Variants in EEPD1 observed in about 807,000 individuals in gnomAD.
The protein encoded by EEPD1 is endonuclease/exonuclease/phosphatase family domain-containing protein 1.
Under a neutral mutation model 46.3 loss-of-function variants are expected in EEPD1, and 17 were observed. The observed-to-expected ratio is 0.37, with a 90% CI of 0.25 to 0.55. EEPD1 has a LOEUF of 0.55. Ranked by LOEUF, EEPD1 falls within the 20% of genes least tolerant of loss-of-function variation. EEPD1 has a pLI of 0.83. For missense variants in EEPD1, 673 were observed against 745.6 expected (o/e 0.90, Z 1.13); for synonymous variants, 313 against 315.6 (o/e 0.99, Z 0.09).
chr7:36,222,189 T>C (rs1786157757), intron 2 of EEPD1, among the ~76,000 whole-genome samples: 1 of 152,162 alleles, frequency 6.6e-6, no homozygotes, highest in Non-Finnish European at 1.5e-5. Context: ...ACTGATAACC[T>C]GATAGTCAAT....
intron 2 of EEPD1, among the ~76,000 whole-genome samples, chr7:36,175,362 C>A (rs1785159740): frequency 6.6e-6 from 1 of 152,150 alleles, no homozygotes; most frequent in South Asian, 2.1e-4. Context: ...TCCCGAGCAG[C>A]TGGGACCACA....
In EEPD1 at chr7:36,224,261, T is replaced by G. The variant is rs556140616; in HGVS notation, c.879-14724T>G. Among the ~76,000 whole-genome samples the G allele has an allele frequency of 2.0e-5, 3 of 152,350 alleles. No individual in the cohort carries two copies. The East Asian group carries it at 5.8e-4, about 29-fold the overall frequency. The stretch of plus-strand genomic sequence containing the variant: ...ATCATCACCCCTGTTCAGTGGGATC[T>G]CAGTGGAGTGAAAGGTTTCAAGTTG... On this transcript the variant is annotated intron_variant, in intron 2 of 7. Transcript: ENST00000242108.
chr7:36,176,561 C>T (rs1040132277), intron 2 of EEPD1, among the ~76,000 whole-genome samples: 4 of 152,184 alleles, frequency 2.6e-5, no homozygotes, highest in Non-Finnish European at 4.4e-5. Flanking sequence ...GTTGGTGATA[C>T]TCAAGCACTG....
At chr7:36,222,578 T>C (rs1279564481) in intron 2 of EEPD1, among the ~76,000 whole-genome samples, 1 of 152,226 alleles carries the variant, frequency 6.6e-6, no homozygotes, top group East Asian at 1.9e-4. Flanking sequence ...CCTGTCTCAG[T>C]GTTTTTGGAG....
rs771911080 is a variant in EEPD1, at chr7:36,300,532, G to C, written c.*1326G>C. 1.3e-5 allele frequency: 2 copies of C among 152,242 alleles called. No individual in the cohort carries two copies. The highest frequency in any genetic ancestry group is 4.8e-5 in the African/African-American group (2 of 41,460). 9.4% of individuals were successfully genotyped at this position (152,242 alleles called of 1,614,324 possible). On this transcript the variant is annotated 3_prime_UTR_variant, in exon 8 of 8. Transcript: ENST00000242108. ...AGTAAATAGTGAAAAGGTAAGTTAT[G>C]AGCTTAGATTACCTAGATTATTCCA...
At chr7:36,158,921 C>A (rs1784863233) in intron 2 of EEPD1, among the ~76,000 whole-genome samples, 1 of 152,156 alleles carries the variant, frequency 6.6e-6, no homozygotes, top group South Asian at 2.1e-4. Flanking sequence ...TTTAACATCC[C>A]ACTTGCTCAT....
At chr7:36,237,704 AC>A (rs1458996082) in intron 2 of EEPD1, among the ~76,000 whole-genome samples, 2 of 152,150 alleles carry the variant, frequency 1.3e-5, no homozygotes, top group Admixed American at 1.3e-4. Flanking sequence ...TAATCCCAGC[AC>A]TTTGGGAGGC....
chr7:36,223,155 A>C (rs1249125723), intron 2 of EEPD1, among the ~76,000 whole-genome samples: 1 of 151,536 alleles, frequency 6.6e-6, no homozygotes, highest in African/African-American at 2.4e-5. Flanking sequence ...TGTCTCAAAA[A>C]ATAAATAAAT....
intron 2 of EEPD1, among the ~76,000 whole-genome samples, chr7:36,207,622 C>G (rs1053765668): frequency 6.6e-6 from 1 of 152,172 alleles, no homozygotes; most frequent in African/African-American, 2.4e-5. Flanking sequence ...AGGGTTCCAG[C>G]CCTAGAACCT....
chr7:36,163,970 T>C (rs1784942573), intron 2 of EEPD1, among the ~76,000 whole-genome samples: 1 of 152,068 alleles, frequency 6.6e-6, no homozygotes, highest in Non-Finnish European at 1.5e-5. Context: ...CATTCTAGGC[T>C]AGATGCTTTC....
At chr7:36,294,458 GTAAATT>G (rs1300778692) in intron 6 of EEPD1, among the ~76,000 whole-genome samples, 2 of 152,082 alleles carry the variant, frequency 1.3e-5, no homozygotes, top group Non-Finnish European at 2.9e-5. Context: ...AAAAATAAAA[GTAAATT>G]CTAGGCAAGC....
intron 3 of EEPD1, among the ~76,000 whole-genome samples, chr7:36,248,083 A>G (rs1420860790): frequency 6.6e-6 from 1 of 152,186 alleles, no homozygotes; most frequent in Non-Finnish European, 1.5e-5. Context: ...CTAGCAGGTT[A>G]TGGGAGCCAT....
At chr7:36,187,599 A>G (rs993488369) in intron 2 of EEPD1, among the ~76,000 whole-genome samples, 10 of 152,178 alleles carry the variant, frequency 6.6e-5, no homozygotes, top group African/African-American at 2.2e-4. Context: ...TTAAGGCCTG[A>G]TAATATTTCA....
intron 3 of EEPD1, among the ~76,000 whole-genome samples, chr7:36,277,451 G>A (rs1035605057): frequency 2.6e-5 from 4 of 152,206 alleles, no homozygotes; most frequent in South Asian, 4.1e-4. Context: ...TGAGAAGCTC[G>A]TAGCTCAACT....
intron 4 of EEPD1, among the ~76,000 whole-genome samples, chr7:36,283,026 C>A (rs1787285036): frequency 6.6e-6 from 1 of 151,958 alleles, no homozygotes; most frequent in Admixed American, 6.6e-5. Flanking sequence ...AATTCTGCCC[C>A]AGGCATCTTC....
chr7:36,284,971 G>A (rs1787321248), intron 5 of EEPD1, 151 bp downstream of exon 5: 1 of 1,134,166 alleles, frequency 8.8e-7, no homozygotes. Flanking sequence ...TCTCTCCTGG[G>A]GCTTCCTTGG....
intron 2 of EEPD1, among the ~76,000 whole-genome samples, chr7:36,202,349 T>C (rs2115705423): frequency 6.6e-6 from 1 of 152,320 alleles, no homozygotes; most frequent in South Asian, 2.1e-4. Flanking sequence ...TGGGGTTTCC[T>C]GGCCAGGATC....
intron 7 of EEPD1, among the ~76,000 whole-genome samples, chr7:36,298,009 C>A (rs1739309718): frequency 5.9e-5 from 9 of 152,154 alleles, no homozygotes; most frequent in Admixed American, 5.9e-4. Context: ...GCAGCCAAGG[C>A]CAAGATCTTC....
chr7:36,186,121 C>G (rs1406315116), intron 2 of EEPD1, among the ~76,000 whole-genome samples: 1 of 152,184 alleles, frequency 6.6e-6, no homozygotes, highest in African/African-American at 2.4e-5. Flanking sequence ...ATGAGCTTTG[C>G]ATTCCCCCGG....
Sources: allele counts gnomAD v4.1 joint callset (sites outside exome capture counted in the v4.1 genomes callset), GRCh38; gene constraint gnomAD v4.1.1; transcripts MANE v1.5; gene names NCBI Gene and HGNC (gene_info 2026-07-23, HGNC 2026-07-21).